TBC1D5: variants seen among roughly 807,000 people sequenced by gnomAD.
The protein encoded by TBC1D5 is TBC1 domain family member 5.
TBC1D5 carries 75 observed loss-of-function variants against 100.3 expected under a neutral mutation model. The ratio of observed to expected loss-of-function variants is 0.75; its 90% CI spans 0.62 to 0.91. The LOEUF (loss-of-function observed/expected upper bound fraction) is 0.91. TBC1D5 is among the 40% of genes least tolerant of loss of function. TBC1D5 has a pLI of 0.00. For synonymous variants in TBC1D5, 323 were observed against 325.6 expected (o/e 0.99, Z 0.09); for missense variants, 910 against 942.4 (o/e 0.97, Z 0.45).
At chr3:17,701,174 T>C (rs529449827) in intron 1 of TBC1D5, among the ~76,000 whole-genome samples, 92 of 152,222 alleles carry the variant, frequency 6.0e-4, no homozygotes, top group African/African-American at 2.1e-3. Context: ...TTCATGTCCT[T>C]TGCAGGGACA....
chr3:17,499,382 T>G (rs1253550532), intron 3 of TBC1D5, among the ~76,000 whole-genome samples: 1 of 150,504 alleles, frequency 6.6e-6, no homozygotes, highest in African/African-American at 2.5e-5. Context: ...TTTCCTAAGC[T>G]ATGCGGGCTG....
At chr3:17,379,634 A>G (rs2092851859) in intron 9 of TBC1D5, among the ~76,000 whole-genome samples, 1 of 152,098 alleles carries the variant, frequency 6.6e-6, no homozygotes, top group Non-Finnish European at 1.5e-5. Context: ...ATGACTATAC[A>G]ATAGTCCCTC....
At chr3:17,459,541 G>A (rs1336395340) in intron 3 of TBC1D5, among the ~76,000 whole-genome samples, 3 of 152,156 alleles carry the variant, frequency 2.0e-5, no homozygotes, top group African/African-American at 7.2e-5. Flanking sequence ...ATACTGTAGA[G>A]CATACTTAAT....
intron 15 of TBC1D5, among the ~76,000 whole-genome samples, chr3:17,267,668 A>G (rs550307074): frequency 4.6e-5 from 7 of 152,280 alleles, no homozygotes; most frequent in South Asian, 4.1e-4. Context: ...ACCCCCAAGA[A>G]TAAGTCCTTG....
chr3:17,430,937 G>T (rs1030140228), intron 3 of TBC1D5, among the ~76,000 whole-genome samples: 1 of 151,698 alleles, frequency 6.6e-6, no homozygotes, highest in Non-Finnish European at 1.5e-5. Context: ...AAACAGAAAG[G>T]CTCATTTTTC....
chr3:17,584,420 CAGAGT>C (rs2096719699), intron 2 of TBC1D5, among the ~76,000 whole-genome samples: 1 of 152,094 alleles, frequency 6.6e-6, no homozygotes, highest in South Asian at 2.1e-4. Context: ...TTCTTATTTC[CAGAGT>C]AAAGATTTCC....
intron 4 of TBC1D5, among the ~76,000 whole-genome samples, chr3:17,416,533 T>C (rs1575795198): frequency 6.6e-6 from 1 of 152,210 alleles, no homozygotes; most frequent in Non-Finnish European, 1.5e-5. Context: ...TACTCATATA[T>C]AACTGGGGAA....
chr3:17,401,374 C>CATAT (rs2093646338), intron 8 of TBC1D5, among the ~76,000 whole-genome samples: 1 of 142,988 alleles, frequency 7.0e-6, no homozygotes, highest in Non-Finnish European at 1.5e-5. Context: ...GTATAATATA[C>CATAT]ATATGTATAT....
chr3:17,608,819 T>A (rs1433937112), intron 2 of TBC1D5, among the ~76,000 whole-genome samples: 1 of 152,216 alleles, frequency 6.6e-6, no homozygotes, highest in East Asian at 1.9e-4. Flanking sequence ...CAATATATCC[T>A]GTTTCTTTCC....
rs149152048 is a variant in TBC1D5, at chr3:17,737,210, G to T, written c.-101+2133C>A. Among the ~76,000 whole-genome samples, 58 of 152,192 alleles carry T rather than the reference G, an allele frequency of 3.8e-4. 1 individual carries two copies. The East Asian group carries it at 0.01, about 26-fold the overall frequency. On this transcript the variant is annotated intron_variant, in intron 1 of 21. Coordinates refer to ENST00000253692, the Ensembl canonical transcript of TBC1D5. ...TCCCCATGGTGCTTATGTCAGAAGT[G>T]GGGGCTTACTTCTCACTGGTCTAGT...
At chr3:17,527,015 C>T (rs541295713) in intron 2 of TBC1D5, among the ~76,000 whole-genome samples, 23 of 152,196 alleles carry the variant, frequency 1.5e-4, no homozygotes, top group African/African-American at 5.5e-4. Flanking sequence ...TCCCATGTGC[C>T]AAAAGCTAGT....
At chr3:17,357,226 AGGT>A (rs1218430338) in intron 13 of TBC1D5, among the ~76,000 whole-genome samples, 2 of 152,220 alleles carry the variant, frequency 1.3e-5, no homozygotes, top group Non-Finnish European at 2.9e-5. Context: ...CAGAAAGCCA[AGGT>A]GGTGGAGGGG....
intron 1 of TBC1D5, among the ~76,000 whole-genome samples, chr3:17,723,515 T>TA (rs1157604156): frequency 6.6e-6 from 1 of 152,146 alleles, no homozygotes; most frequent in African/African-American, 2.4e-5. Flanking sequence ...GTTTACTAAG[T>TA]ATAAACAATA....
At chr3:17,248,405 T>C (rs1389334303) in intron 16 of TBC1D5, among the ~76,000 whole-genome samples, 27 of 152,236 alleles carry the variant, frequency 1.8e-4, no homozygotes. Context: ...CCATGAATCA[T>C]GAATGTTCTT....
intron 1 of TBC1D5, among the ~76,000 whole-genome samples, chr3:17,662,270 C>G (rs919150430): frequency 8.5e-5 from 13 of 152,196 alleles, no homozygotes; most frequent in African/African-American, 3.1e-4. Context: ...CTTCTCAGAT[C>G]CTATCACAGA....
intron 13 of TBC1D5, among the ~76,000 whole-genome samples, chr3:17,339,399 T>A (rs746661192): frequency 6.6e-6 from 1 of 152,200 alleles, no homozygotes; most frequent in Non-Finnish European, 1.5e-5. Flanking sequence ...TAGGAGCCTT[T>A]TGCCTGAGTA....
intron 9 of TBC1D5, among the ~76,000 whole-genome samples, chr3:17,380,627 T>C (rs1307657644): frequency 5.9e-5 from 9 of 152,116 alleles, no homozygotes; most frequent in Non-Finnish European, 4.4e-5. Flanking sequence ...CCCTGCTAGA[T>C]TGTTAGTAGT....
intron 13 of TBC1D5, among the ~76,000 whole-genome samples, chr3:17,368,067 T>C (rs1186163478): frequency 6.6e-6 from 1 of 152,248 alleles, no homozygotes; most frequent in East Asian, 1.9e-4. Flanking sequence ...AGTAAATTGA[T>C]TTAAAACTTG....
At chr3:17,723,777 G>A (rs1404504791) in intron 1 of TBC1D5, among the ~76,000 whole-genome samples, 2 of 151,996 alleles carry the variant, frequency 1.3e-5, no homozygotes, top group Non-Finnish European at 2.9e-5. Flanking sequence ...TTATATTGTC[G>A]GTGGGGCTTG....
Sources: allele counts gnomAD v4.1 joint callset (sites outside exome capture counted in the v4.1 genomes callset), GRCh38; gene constraint gnomAD v4.1.1; transcripts MANE v1.5; gene names NCBI Gene and HGNC (gene_info 2026-07-23, HGNC 2026-07-21).